The following AFF2 variants were observed in gnomAD, a reference collection of about 807,000 sequenced individuals.
AFF2 encodes the protein AF4/FMR2 family member 2.
Under a neutral mutation model 76.9 loss-of-function variants are expected in AFF2, and 14 were observed. That is an observed-to-expected ratio of 0.18 (90% CI 0.12 to 0.28). AFF2 has a LOEUF of 0.28. Among genes scored for constraint, AFF2 ranks in the 10% least tolerant of loss-of-function variants. The pLI, the probability that AFF2 is intolerant of heterozygous loss-of-function variation, is 1.00. For missense variants in AFF2, 868 were observed against 1,001.1 expected (o/e 0.87, Z 1.79); for synonymous variants, 398 against 366.7 (o/e 1.09, Z -0.98).
At chrX:148,902,894 A>C (rs1470358178) in intron 8 of AFF2, among the ~76,000 whole-genome samples, 1 of 111,667 alleles carries the variant, frequency 9.0e-6, no homozygotes, top group East Asian at 2.8e-4. Context: ...CCTGAGACTT[A>C]GTAAATGGAA....
chrX:148,987,750 G>T (rs782179183), intron 20 of AFF2, among the ~76,000 whole-genome samples, 193 bp downstream of exon 20: 2 of 111,349 alleles, frequency 1.8e-5, no homozygotes, highest in Non-Finnish European at 3.8e-5. Context: ...AAAAAGCCCC[G>T]GAATTTTGTC....
chrX:148,513,008 G>T lies in AFF2; in HGVS notation c.47+11864G>T, dbSNP rs182879835. ...AGTACTAAGAACTACCACATCTACA[G>T]TGAGGCACATAGAAGGGTTTAAAGA... On this transcript the variant is annotated intron_variant, in intron 1 of 20. Transcript: ENST00000370460. 1.8e-3 allele frequency among the ~76,000 whole-genome samples: 196 copies of T among 111,867 alleles called. 4 individuals carry two copies. Among genetic ancestry groups the T allele is most frequent in the Admixed American group, 0.016 (172 of 10,549 alleles).
At chrX:148,855,461 T>C (rs1557275829) in intron 7 of AFF2, among the ~76,000 whole-genome samples, 5 of 111,765 alleles carry the variant, frequency 4.5e-5, no homozygotes, top group Non-Finnish European at 5.6e-5. Context: ...CAGCAGCCGG[T>C]ACAGGAAGAA....
chrX:148,778,513 T>C (rs1557268805), intron 3 of AFF2, among the ~76,000 whole-genome samples: 1 of 111,464 alleles, frequency 9.0e-6, no homozygotes, highest in Admixed American at 9.5e-5. Context: ...TTTTGGTTGG[T>C]AGTCTATTAA....
chrX:148,684,958 GTA>G (rs1557260217), intron 3 of AFF2, among the ~76,000 whole-genome samples: 1 of 112,443 alleles, frequency 8.9e-6, no homozygotes, highest in Non-Finnish European at 1.9e-5. Flanking sequence ...CAACAGCTAG[GTA>G]AAAATAAATG....
At chrX:148,505,498 G>A (rs1312556747) in intron 1 of AFF2, among the ~76,000 whole-genome samples, 1 of 111,789 alleles carries the variant, frequency 8.9e-6, no homozygotes, top group Non-Finnish European at 1.9e-5. Context: ...GCATCCTGTA[G>A]ATGGATACAA....
chrX:148,937,637 C>A (rs2071788989), intron 9 of AFF2, among the ~76,000 whole-genome samples: 1 of 111,748 alleles, frequency 8.9e-6, no homozygotes, highest in South Asian at 3.8e-4. Flanking sequence ...CAGAATCAGG[C>A]CTGTTTGTTA....
chrX:148,621,486 G>C (rs1308580968), intron 1 of AFF2, among the ~76,000 whole-genome samples: 1 of 110,826 alleles, frequency 9.0e-6, no homozygotes, highest in Non-Finnish European at 1.9e-5. Flanking sequence ...TTTTAATCAA[G>C]TTTCTCTAGA....
At chrX:148,664,510 C>T (rs1359735313) in intron 3 of AFF2, among the ~76,000 whole-genome samples, 5 of 111,192 alleles carry the variant, frequency 4.5e-5, no homozygotes, top group African/African-American at 1.3e-4. Context: ...TTCCCTGATC[C>T]CCTCAGCTTA....
chrX:148,653,238 A>T (rs1425472145), intron 2 of AFF2, among the ~76,000 whole-genome samples: 2 of 111,991 alleles, frequency 1.8e-5, no homozygotes, highest in Non-Finnish European at 3.8e-5. Flanking sequence ...ATCCCTAAAA[A>T]AGCAGTGTTC....
intron 9 of AFF2, among the ~76,000 whole-genome samples, chrX:148,925,010 A>G (rs2071635171): frequency 8.9e-6 from 1 of 112,590 alleles, no homozygotes; most frequent in Non-Finnish European, 1.9e-5. Context: ...GTAAATCTGC[A>G]TGATATTAGA....
rs781835830 is a variant in AFF2 at position 148,606,218 on chromosome X, A to G, written c.48-45781A>G. ...TCTCATGATCATGAAAGATGAAGAAAGATGAGGAATTAATTGTCACAGATT... is the reference window on the plus strand; with the variant it reads ...TCTCATGATCATGAAAGATGAAGAAGGATGAGGAATTAATTGTCACAGATT... On this transcript the variant is annotated intron_variant, in intron 1 of 20. Coordinates refer to ENST00000370460, the MANE Select transcript of AFF2 (RefSeq NM_002025.4). Among the ~76,000 whole-genome samples, 37 of 112,261 alleles carry G rather than the reference A, an allele frequency of 3.3e-4. 1 individual carries two copies. The highest frequency in any genetic ancestry group is 4.7e-3 in the Middle Eastern group (1 of 215).
intron 1 of AFF2, among the ~76,000 whole-genome samples, chrX:148,638,760 T>C (rs782153068): frequency 9.0e-6 from 1 of 110,948 alleles, no homozygotes; most frequent in South Asian, 3.9e-4. Flanking sequence ...TGAGAACTCA[T>C]TCACTATGGC....
chrX:148,606,339 GAA>G (rs2053672137), intron 1 of AFF2, among the ~76,000 whole-genome samples: 2 of 111,709 alleles, frequency 1.8e-5, no homozygotes, highest in South Asian at 3.7e-4. Context: ...TTTTGAAATC[GAA>G]AAGAGTATTG....
chrX:148,947,672 A>G (rs1603345612), intron 9 of AFF2, among the ~76,000 whole-genome samples: 1 of 111,730 alleles, frequency 9.0e-6, no homozygotes, highest in Non-Finnish European at 1.9e-5. Flanking sequence ...CTGGTGGCCT[A>G]ATGTGATGAG....
At chrX:148,588,902 A>G in intron 1 of AFF2, among the ~76,000 whole-genome samples, 1 of 111,781 alleles carries the variant, frequency 8.9e-6, no homozygotes, top group East Asian at 2.8e-4. Flanking sequence ...TTTAGAGATC[A>G]CATGAGACAC....
At chrX:148,966,693 G>A (rs868970028) in intron 13 of AFF2, 97 bp from the exon 14 acceptor site, 11 of 820,444 alleles carry the variant, frequency 1.3e-5, no homozygotes, top group African/African-American at 6.5e-5. Context: ...TTTTTTTTTT[G>A]CCTTCTTTCG....
chrX:148,518,566 G>T (rs1404338827), intron 1 of AFF2, among the ~76,000 whole-genome samples: 1 of 112,369 alleles, frequency 8.9e-6, no homozygotes, highest in African/African-American at 3.2e-5. Context: ...GTCACTTTCC[G>T]CTTGAGTGGC....
At chrX:148,876,322 C>G (rs1187824563) in intron 7 of AFF2, among the ~76,000 whole-genome samples, 1 of 112,206 alleles carries the variant, frequency 8.9e-6, no homozygotes, top group East Asian at 2.8e-4. Flanking sequence ...GTCTATCTGA[C>G]TGCAGTGCAA....
Sources: gnomAD v4.1 joint callset for allele counts (sites outside exome capture counted in the v4.1 genomes callset) on GRCh38, gnomAD v4.1.1 for gene constraint, MANE v1.5 for transcripts, NCBI Gene and HGNC (gene_info 2026-07-23, HGNC 2026-07-21) for gene names.